CD53: variants seen among roughly 807,000 people sequenced by gnomAD.
The protein encoded by CD53 is leukocyte surface antigen CD53.
In CD53, 20 loss-of-function variants were observed where a neutral mutation model predicts 27.3. The ratio of observed to expected loss-of-function variants is 0.73; its 90% CI spans 0.52 to 1.07. CD53 has a LOEUF of 1.07. Among genes scored for constraint, CD53 ranks in the 50% least tolerant of loss-of-function variants. CD53 has a pLI of 0.00. For missense variants in CD53, 216 were observed against 264.0 expected (o/e 0.82, Z 1.26); for synonymous variants, 106 against 105.3 (o/e 1.01, Z -0.04).
intron 1 of CD53, among the ~76,000 whole-genome samples, chr1:110,886,846 A>AAGATTATATATATATATATATATATAT (rs141935496): frequency 2.0e-5 from 2 of 101,006 alleles, no homozygotes; most frequent in Admixed American, 1.2e-4. Flanking sequence ...CTCTGTCTCC[A>AAGATTATATATATATATATATATATAT]ATATATATAT....
chr1:110,874,249 G>A (rs555355618), intron 1 of CD53, among the ~76,000 whole-genome samples: 1 of 152,326 alleles, frequency 6.6e-6, no homozygotes, highest in Non-Finnish European at 1.5e-5. Context: ...GGGACGGGGA[G>A]AGGGCTCTGG....
chr1:110,889,785 G>A (rs960719038), intron 1 of CD53, among the ~76,000 whole-genome samples: 1 of 152,036 alleles, frequency 6.6e-6, no homozygotes, highest in African/African-American at 2.4e-5. Context: ...ATATGTAAGA[G>A]GAAAATTCAA....
intron 1 of CD53, among the ~76,000 whole-genome samples, chr1:110,887,618 G>A (rs1268934614): frequency 6.6e-6 from 1 of 152,192 alleles, no homozygotes; most frequent in African/African-American, 2.4e-5. Context: ...TTACTCTTAA[G>A]ATTTGTTGGG....
At chr1:110,879,372 CAG>C (rs1469333019) in intron 1 of CD53, among the ~76,000 whole-genome samples, 2 of 152,204 alleles carry the variant, frequency 1.3e-5, no homozygotes, top group African/African-American at 4.8e-5. Context: ...GTAGCACTAA[CAG>C]AATTCAAAAC....
At chr1:110,892,291 A>T in intron 2 of CD53, 54 bp from the exon 3 acceptor site, 1 of 1,211,920 alleles carries the variant, frequency 8.3e-7, no homozygotes, top group Non-Finnish European at 1.2e-6. Flanking sequence ...GAATATGAGG[A>T]GATACCCAAG....
chr1:110,875,696 C>A (rs1268577642), intron 1 of CD53, among the ~76,000 whole-genome samples: 1 of 152,134 alleles, frequency 6.6e-6, no homozygotes, highest in East Asian at 1.9e-4. Context: ...GTGCAGGGCA[C>A]TGAAGCAAAG....
At position 110,886,869 on chromosome 1, in the gene CD53, A is replaced by ATATATATATTTTTT. The variant is rs1298376721; in HGVS notation, c.-17-4522_-17-4521insATATATATTTTTTT. 8.5e-4 allele frequency among the ~76,000 whole-genome samples: 70 copies of ATATATATATTTTTT among 82,772 alleles called. 1 individual carries two copies. Among genetic ancestry groups the ATATATATATTTTTT allele is most frequent in the South Asian group, 1.3e-3 (3 of 2,342 alleles). 54.3% of individuals were successfully genotyped at this position (82,772 alleles called of 152,430 possible). On this transcript the variant is annotated intron_variant, in intron 1 of 7. Transcript: ENST00000271324. ...CCAATATATATATATATATATATATATTTTTTTTTTCTGTCTGTGTTTCTT... is the reference window on the plus strand; with the variant it reads ...CCAATATATATATATATATATATATATATATATATTTTTTTTTTTTTTTTCTGTCTGTGTTTCTT...
chr1:110,895,084 C>T (rs778895927), intron 5 of CD53, 29 bp downstream of exon 5: 3 of 1,495,986 alleles, frequency 2.0e-6, no homozygotes, highest in East Asian at 4.5e-5. Flanking sequence ...CTCTTCAGAT[C>T]AGCCCAGACT....
intron 3 of CD53, among the ~76,000 whole-genome samples, chr1:110,893,324 T>G (rs1179207754): frequency 6.6e-6 from 1 of 152,210 alleles, no homozygotes; most frequent in Non-Finnish European, 1.5e-5. Context: ...GTTTTTTTCT[T>G]CTTGTTGTTG....
At chr1:110,877,485 C>T (rs1414845851) in intron 1 of CD53, among the ~76,000 whole-genome samples, 1 of 152,142 alleles carries the variant, frequency 6.6e-6, no homozygotes, top group East Asian at 1.9e-4. Context: ...GGTAACTGTT[C>T]CTGATTTACG....
At chr1:110,879,530 A>C (rs1401305674) in intron 1 of CD53, among the ~76,000 whole-genome samples, 19 of 152,222 alleles carry the variant, frequency 1.2e-4, no homozygotes, top group Admixed American at 1.2e-3. Flanking sequence ...CTCACAGTGC[A>C]CATTAGCATA....
chr1:110,886,846 A>AAGATATATATAT (rs141935496), intron 1 of CD53, among the ~76,000 whole-genome samples: 1,089 of 100,860 alleles, frequency 0.011, 14 homozygotes, highest in South Asian at 0.018. Flanking sequence ...CTCTGTCTCC[A>AAGATATATATAT]ATATATATAT....
chr1:110,894,273 G>A, intron 3 of CD53, 54 bp from the exon 4 acceptor site: 1 of 1,491,806 alleles, frequency 6.7e-7, no homozygotes, highest in African/African-American at 1.4e-5. Flanking sequence ...AGCTGAGTGG[G>A]AGTGGGACGA....
Position 110,894,986 on chromosome 1 carries a change from G to T in CD53, c.354G>T (p.Leu118=). The stretch of plus-strand genomic sequence containing the variant: ...TGAATGAGTATGTGGCTAAGGGTCT[G>T]ACCGACAGCATCCACCGTTACCACT... ...QKLNEYVAKG[L]TDSIHRYHSD... The change falls in exon 5 of 8, where the codon CTG becomes CTT. Residue 118 remains leucine (L), a synonymous_variant. Transcript: ENST00000271324. The T allele has an allele frequency of 6.2e-7, 1 of 1,613,996 alleles. No individual in the cohort carries two copies. Among genetic ancestry groups the T allele is most frequent in the South Asian group, 1.1e-5 (1 of 91,034 alleles).
At chr1:110,884,202 CAT>C (rs1656472412) in intron 1 of CD53, among the ~76,000 whole-genome samples, 1 of 152,052 alleles carries the variant, frequency 6.6e-6, no homozygotes, top group South Asian at 2.1e-4. Context: ...ACATTTTCAA[CAT>C]GTTTTTAAAG....
chr1:110,897,749 C>T, intron 6 of CD53, 60 bp from the exon 7 acceptor site: 3 of 1,016,436 alleles, frequency 3.0e-6, no homozygotes, highest in Non-Finnish European at 4.6e-6. Flanking sequence ...CTTCCAAATA[C>T]TTCCTCTTGA....
chr1:110,893,314 G>A (rs547652194), intron 3 of CD53, among the ~76,000 whole-genome samples: 4 of 151,902 alleles, frequency 2.6e-5, no homozygotes, highest in Non-Finnish European at 5.9e-5. Context: ...TTTTTGTTTT[G>A]TTTTTTTCTT....
At chr1:110,899,013 G>A (rs1426324614) in intron 7 of CD53, 111 bp from the exon 8 acceptor site, 4 of 725,172 alleles carry the variant, frequency 5.5e-6, no homozygotes, top group Non-Finnish European at 9.5e-6. Context: ...TGGTTGGAAG[G>A]GTGGTTTCAG....
chr1:110,886,846 A>AATATATATATATATATATATATATAT (rs1553203678), intron 1 of CD53, among the ~76,000 whole-genome samples: 1 of 101,010 alleles, frequency 9.9e-6, no homozygotes, highest in East Asian at 2.7e-4. Context: ...CTCTGTCTCC[A>AATATATATATATATATATATATATAT]ATATATATAT....
Sources: allele counts gnomAD v4.1 joint callset (sites outside exome capture counted in the v4.1 genomes callset), GRCh38; gene constraint gnomAD v4.1.1; transcripts MANE v1.5; gene names NCBI Gene and HGNC (gene_info 2026-07-23, HGNC 2026-07-21).